The following PARD3B variants were observed in gnomAD, a reference collection of about 807,000 sequenced individuals.
PARD3B encodes the protein partitioning defective 3 homolog B.
In PARD3B, 103 loss-of-function variants were observed where a neutral mutation model predicts 130.2. The observed-to-expected ratio is 0.79, with a 90% CI of 0.67 to 0.93. The LOEUF is 0.93. Among genes scored for constraint, PARD3B ranks in the 40% least tolerant of loss-of-function variants. PARD3B has a pLI of 0.00. For missense variants in PARD3B, 1,609 were observed against 1,499.2 expected, an observed-to-expected ratio of 1.07 and a Z score of -1.21; for synonymous variants, 583 against 553.2, an observed-to-expected ratio of 1.05 and a Z score of -0.76.
chr2:204,762,358 C>T (rs1296264542), intron 2 of PARD3B, among the ~76,000 whole-genome samples: 2 of 151,904 alleles, frequency 1.3e-5, no homozygotes, highest in African/African-American at 4.8e-5. Flanking sequence ...GTGATCTGTC[C>T]ACCAATCCAC....
intron 3 of PARD3B, among the ~76,000 whole-genome samples, chr2:205,023,758 A>G (rs1696808279): frequency 6.6e-6 from 1 of 152,072 alleles, no homozygotes; most frequent in Non-Finnish European, 1.5e-5. Context: ...TCTCTTTTAA[A>G]GGATGCATGG....
intron 14 of PARD3B, 140 bp downstream of exon 14, chr2:205,186,003 C>A (rs760806139): frequency 8.8e-6 from 6 of 684,102 alleles, no homozygotes; most frequent in African/African-American, 3.6e-5. Flanking sequence ...TCCTTTCCAG[C>A]GAAAGCTTCA....
At chr2:205,322,502 A>ATTT (rs2042784998) in intron 18 of PARD3B, among the ~76,000 whole-genome samples, 1 of 152,224 alleles carries the variant, frequency 6.6e-6, no homozygotes, top group Admixed American at 6.5e-5. Flanking sequence ...TCTTACAAAA[A>ATTT]ACAAAGCAGT....
chr2:204,955,643 T>G (rs1445037329), intron 2 of PARD3B, among the ~76,000 whole-genome samples: 2 of 152,264 alleles, frequency 1.3e-5, no homozygotes, highest in East Asian at 3.8e-4. Flanking sequence ...TCAGTTTTTT[T>G]CATCTGTAAA....
chr2:204,571,532 A>G (rs777754019), intron 1 of PARD3B, among the ~76,000 whole-genome samples: 1 of 152,222 alleles, frequency 6.6e-6, no homozygotes. Flanking sequence ...TCTCATAATA[A>G]TTCCCTTCCC....
chr2:204,954,555 G>C (rs1055927228), intron 2 of PARD3B, among the ~76,000 whole-genome samples: 3 of 152,146 alleles, frequency 2.0e-5, no homozygotes, highest in Non-Finnish European at 4.4e-5. Flanking sequence ...TAATTTTCAG[G>C]GGATTGTGAC....
intron 20 of PARD3B, among the ~76,000 whole-genome samples, chr2:205,496,963 G>A (rs535623889): frequency 4.9e-4 from 75 of 151,954 alleles, no homozygotes; most frequent in Admixed American, 1.6e-3. Flanking sequence ...ATGAATTTCC[G>A]TAATCGACAG....
Position 204,745,733 on chromosome 2 carries a change from T to C in PARD3B, c.222+59451T>C, listed in dbSNP as rs574917475. On this transcript the variant is annotated intron_variant, in intron 2 of 22. Coordinates refer to ENST00000406610, the MANE Select transcript of PARD3B (RefSeq NM_001302769.2). ...TACCATTTTCATTACACCCAGAAGG[T>C]TGAGCCAATCTAATAATCTGTCCAA... Among the ~76,000 whole-genome samples the C allele has an allele frequency of 1.2e-4, 18 of 152,180 alleles. No individual in the cohort carries two copies. In the East Asian group the frequency reaches 3.1e-3, roughly 26 times the overall value.
chr2:205,003,959 A>G (rs1263285742), intron 3 of PARD3B, among the ~76,000 whole-genome samples: 1 of 152,198 alleles, frequency 6.6e-6, no homozygotes, highest in East Asian at 1.9e-4. Context: ...GAATACACCA[A>G]AAAGAATTAC....
intron 18 of PARD3B, among the ~76,000 whole-genome samples, chr2:205,329,835 AAC>A (rs1421723481): frequency 6.6e-6 from 1 of 150,850 alleles, no homozygotes; most frequent in East Asian, 2.0e-4. Flanking sequence ...TACTAAAAAT[AAC>A]ACAAAAATTA....
intron 2 of PARD3B, among the ~76,000 whole-genome samples, chr2:204,920,116 T>A (rs2047611299): frequency 6.6e-6 from 1 of 152,218 alleles, no homozygotes; most frequent in Non-Finnish European, 1.5e-5. Flanking sequence ...TAATTCTGTA[T>A]CTATTGCCCC....
chr2:204,917,461 A>AT (rs1273052572), intron 2 of PARD3B, among the ~76,000 whole-genome samples: 1 of 152,108 alleles, frequency 6.6e-6, no homozygotes, highest in Admixed American at 6.6e-5. Flanking sequence ...AATAGGACCA[A>AT]TTTTTTTATC....
chr2:204,783,265 A>T (rs2041901544), intron 2 of PARD3B, among the ~76,000 whole-genome samples: 1 of 152,150 alleles, frequency 6.6e-6, no homozygotes, highest in South Asian at 2.1e-4. Context: ...AGTGTATATT[A>T]GTCAGGAATA....
At chr2:205,024,183 T>C (rs1277135016) in intron 3 of PARD3B, among the ~76,000 whole-genome samples, 1 of 145,356 alleles carries the variant, frequency 6.9e-6, no homozygotes, top group Admixed American at 6.9e-5. Flanking sequence ...TTTTTTTTTT[T>C]TGAGATGGAG....
Position 205,063,929 on chromosome 2 carries a change from T to TAA in PARD3B, c.504+16247_504+16248dup, listed in dbSNP as rs66999700. Reference sequence around the variant, plus strand: ...AGATACAAGTAGAGATGCTTGGAAATAAAAAAAAACGCATATCCAAACTTT... The same window carrying TAA: ...AGATACAAGTAGAGATGCTTGGAAATAAAAAAAAAAACGCATATCCAAACTTT... On this transcript the variant is annotated intron_variant, in intron 4 of 22. Transcript: ENST00000406610. 1.9e-3 allele frequency among the ~76,000 whole-genome samples: 284 copies of TAA among 150,860 alleles called. 2 individuals are homozygous for TAA. In the East Asian group the frequency reaches 0.046, roughly 24 times the overall value.
At chr2:205,255,639 A>T (rs2040050169) in intron 16 of PARD3B, among the ~76,000 whole-genome samples, 1 of 152,118 alleles carries the variant, frequency 6.6e-6, no homozygotes, top group South Asian at 2.1e-4. Context: ...TTCAATTAAT[A>T]TTCTAGAGTA....
At chr2:205,559,533 G>A (rs945219283) in intron 22 of PARD3B, among the ~76,000 whole-genome samples, 1 of 150,666 alleles carries the variant, frequency 6.6e-6, no homozygotes, top group African/African-American at 2.4e-5. Flanking sequence ...TTGCTGTTTT[G>A]CAATATAAGA....
rs1272921455 is a variant in PARD3B at position 204,735,316 on chromosome 2, T to TA, written c.222+49035dup. ...CACATTCTAGCAGTGGACCACCTGATATCACGTGTTTGTTAATGTGCACCC... is the reference window on the plus strand; with the variant it reads ...CACATTCTAGCAGTGGACCACCTGATAATCACGTGTTTGTTAATGTGCACCC... On this transcript the variant is annotated intron_variant, in intron 2 of 22. Coordinates refer to ENST00000406610, the MANE Select transcript of PARD3B (RefSeq NM_001302769.2). Among the ~76,000 whole-genome samples, 7 of 150,686 alleles carry TA rather than the reference T, an allele frequency of 4.6e-5. No individual in the cohort carries two copies. In the East Asian group the frequency reaches 1.4e-3, roughly 29 times the overall value.
At chr2:204,816,081 A>C (rs1336647660) in intron 2 of PARD3B, among the ~76,000 whole-genome samples, 2 of 151,966 alleles carry the variant, frequency 1.3e-5, no homozygotes, top group East Asian at 3.9e-4. Context: ...GGTTGCTGTA[A>C]GATTTATACT....
Sources: gnomAD v4.1 joint callset for allele counts (sites outside exome capture counted in the v4.1 genomes callset) on GRCh38, gnomAD v4.1.1 for gene constraint, MANE v1.5 for transcripts, NCBI Gene and HGNC (gene_info 2026-07-23, HGNC 2026-07-21) for gene names.